Variants in COG6 observed in about 807,000 individuals in gnomAD.
COG6 encodes component of oligomeric golgi complex 6.
COG6 carries 74 observed loss-of-function variants against 88.8 expected under a neutral mutation model. The ratio of observed to expected loss-of-function variants is 0.83; its 90% CI spans 0.69 to 1.01. The LOEUF (loss-of-function observed/expected upper bound fraction) is 1.01. Among genes scored for constraint, COG6 ranks in the 50% least tolerant of loss-of-function variants. The pLI is 0.00. For missense variants in COG6, 800 were observed against 797.9 expected (o/e 1.00, Z -0.03); for synonymous variants, 286 against 278.7 (o/e 1.03, Z -0.26).
intron 13 of COG6, among the ~76,000 whole-genome samples, chr13:39,700,989 A>G (rs1877546562): frequency 6.6e-6 from 1 of 151,826 alleles, no homozygotes; most frequent in African/African-American, 2.4e-5. Context: ...CTATAAAAGA[A>G]TTTTTCATTT....
rs184511823 is a variant in COG6 at position 39,680,182 on chromosome 13, G to C, written c.694+137G>C. The C allele has an allele frequency of 3.3e-4, 197 of 592,854 alleles. 1 individual carries two copies. The highest frequency in any genetic ancestry group is 1.3e-3 in the Middle Eastern group (3 of 2,228). 36.7% of individuals were successfully genotyped at this position (592,854 alleles called of 1,614,324 possible). A position where few individuals can be genotyped will look rare whatever the true frequency, so the allele number is the denominator to read the frequency against. On this transcript the variant is annotated intron_variant, in intron 7 of 18. Transcript: ENST00000455146. Reference sequence around the variant, plus strand: ...AAAAATAAAAATAGTATTTGTATTTGGTTTTTAAATTTTTACTTGGTCTTT... The same window carrying C: ...AAAAATAAAAATAGTATTTGTATTTCGTTTTTAAATTTTTACTTGGTCTTT...
intron 13 of COG6, among the ~76,000 whole-genome samples, chr13:39,706,150 C>T (rs1877880889): frequency 6.9e-6 from 1 of 144,662 alleles, no homozygotes; most frequent in African/African-American, 2.5e-5. Context: ...GTATTTAGAG[C>T]AAAAGGAATG....
intron 18 of COG6, among the ~76,000 whole-genome samples, chr13:39,787,531 A>G (rs369717677): frequency 1.3e-5 from 2 of 152,274 alleles, no homozygotes; most frequent in African/African-American, 2.4e-5. Context: ...GCTCAGAACA[A>G]ATAACTGACT....
At chr13:39,688,633 C>A (rs1876806728) in intron 10 of COG6, among the ~76,000 whole-genome samples, 1 of 152,156 alleles carries the variant, frequency 6.6e-6, no homozygotes, top group Non-Finnish European at 1.5e-5. Context: ...TTGGGGATTA[C>A]ATTTCAACTT....
intron 18 of COG6, among the ~76,000 whole-genome samples, chr13:39,778,671 A>G (rs1881541478): frequency 6.6e-6 from 1 of 152,240 alleles, no homozygotes; most frequent in Non-Finnish European, 1.5e-5. Context: ...CAGTTTCTCT[A>G]AGTCAGAGAT....
At chr13:39,766,944 C>G (rs535110443) in intron 18 of COG6, among the ~76,000 whole-genome samples, 66 of 152,282 alleles carry the variant, frequency 4.3e-4, no homozygotes, top group African/African-American at 1.6e-3. Context: ...AGGTGCTTAC[C>G]AGGAGAGATG....
At chr13:39,736,891 A>G (rs1879775584) in intron 18 of COG6, among the ~76,000 whole-genome samples, 1 of 152,104 alleles carries the variant, frequency 6.6e-6, no homozygotes, top group African/African-American at 2.4e-5. Flanking sequence ...GTAGATGTTC[A>G]TCAGTGTCTG....
chr13:39,698,928 G>T (rs76375932), intron 12 of COG6, among the ~76,000 whole-genome samples: 1 of 151,636 alleles, frequency 6.6e-6, no homozygotes, highest in Non-Finnish European at 1.5e-5. Flanking sequence ...AGCAAATTGA[G>T]GATTATGGAA....
intron 18 of COG6, among the ~76,000 whole-genome samples, chr13:39,736,459 G>A (rs1348516790): frequency 7.2e-5 from 11 of 152,122 alleles, no homozygotes; most frequent in African/African-American, 2.4e-4. Context: ...TTGGGAGGCC[G>A]AGACACTTGG....
chr13:39,672,576 T>C (rs997409575), intron 4 of COG6, among the ~76,000 whole-genome samples: 7 of 152,058 alleles, frequency 4.6e-5, no homozygotes, highest in African/African-American at 1.7e-4. Flanking sequence ...TCCATGTTAC[T>C]TTAACCTTTT....
chr13:39,661,694 T>G (rs1002492916), intron 3 of COG6, among the ~76,000 whole-genome samples: 25 of 151,756 alleles, frequency 1.6e-4, no homozygotes, highest in Non-Finnish European at 2.9e-4. Context: ...TATTTAGATA[T>G]TTGTTAATTT....
At chr13:39,712,593 A>T (rs187321864) in intron 13 of COG6, among the ~76,000 whole-genome samples, 2 of 152,354 alleles carry the variant, frequency 1.3e-5, no homozygotes, top group Admixed American at 1.3e-4. Flanking sequence ...GCCTGAAATA[A>T]GGAGTCTAAT....
chr13:39,735,653 T>C (rs1462782933), intron 18 of COG6, among the ~76,000 whole-genome samples: 2 of 152,072 alleles, frequency 1.3e-5, no homozygotes, highest in African/African-American at 4.8e-5. Context: ...TCTTTCAGAT[T>C]GAAGAACTCT....
At chr13:39,710,698 A>C (rs1051334401) in intron 13 of COG6, among the ~76,000 whole-genome samples, 1 of 152,182 alleles carries the variant, frequency 6.6e-6, no homozygotes, top group African/African-American at 2.4e-5. Context: ...GATATCATTA[A>C]TGCTTAAATA....
At chr13:39,716,832 A>G (rs1216487739) in intron 13 of COG6, among the ~76,000 whole-genome samples, 1 of 152,204 alleles carries the variant, frequency 6.6e-6, no homozygotes, top group African/African-American at 2.4e-5. Flanking sequence ...TTGTATGCCC[A>G]TCAACATAGA....
At chr13:39,769,736 G>C (rs1378515601) in intron 18 of COG6, among the ~76,000 whole-genome samples, 2 of 152,136 alleles carry the variant, frequency 1.3e-5, no homozygotes, top group African/African-American at 2.4e-5. Flanking sequence ...AGAGAGCGGG[G>C]CCTTCGGTTG....
At position 39,659,495 on chromosome 13, in the gene COG6, G is replaced by C. The variant is rs1192200252; in HGVS notation, c.285G>C (p.Lys95Asn). The C allele has an allele frequency of 1.2e-6, 2 of 1,612,854 alleles. No homozygotes were observed. Reference sequence around the variant, plus strand: ...ATGAAGAATTTGTAAGCATTTTCAAGGAAGTGAAGGAGGTATGTAAACTCT... The same window carrying C: ...ATGAAGAATTTGTAAGCATTTTCAACGAAGTGAAGGAGGTATGTAAACTCT... The part of the protein sequence containing the change: ...AINEEFVSIF[K>N]EVKEELESIS... The change falls in exon 2 of 19, where the codon AAG becomes AAC. Residue 95 changes from lysine (K) to asparagine (N), a missense_variant. Physicochemically the swap from Lys to Asn is moderately conservative, Grantham distance 94. Coordinates refer to ENST00000455146, the MANE Select transcript of COG6 (RefSeq NM_020751.3).
intron 4 of COG6, 43 bp downstream of exon 4, chr13:39,665,197 A>T: frequency 9.5e-7 from 1 of 1,048,584 alleles, no homozygotes; most frequent in Non-Finnish European, 1.5e-6. Context: ...TAATTTGGAG[A>T]TTGGAGTCAA....
At position 39,751,460 on chromosome 13, in the gene COG6, A is replaced by C. The variant is rs1405038894; in HGVS notation, c.*367A>C. On this transcript the variant is annotated 3_prime_UTR_variant, in exon 19 of 19. Transcript: ENST00000455146. ...TATAAAAAATTTGTCTAAATTTAAT[A>C]ATTAGTATAAGGATATGACCTAATA... The C allele has an allele frequency of 1.6e-5, 20 of 1,255,472 alleles. No individual in the cohort carries two copies. The highest frequency in any genetic ancestry group is 1.9e-5 in the Non-Finnish European group (18 of 962,212). The allele number at this position is 1,255,472 out of a possible 1,614,324, so 77.8% of individuals were successfully genotyped here.
Sources: gnomAD v4.1 joint callset for allele counts (sites outside exome capture counted in the v4.1 genomes callset) on GRCh38, gnomAD v4.1.1 for gene constraint, MANE v1.5 for transcripts, NCBI Gene and HGNC (gene_info 2026-07-23, HGNC 2026-07-21) for gene names.